TTC23: variants seen among roughly 807,000 people sequenced by gnomAD.
The protein encoded by TTC23 is tetratricopeptide repeat domain 23, also known as tetratricopeptide repeat protein 23.
A neutral mutation model predicts 55.1 loss-of-function variants in TTC23; 58 were observed. The observed-to-expected ratio is 1.05, with a 90% CI of 0.85 to 1.31. TTC23 has a LOEUF of 1.31. TTC23 is among the 50% of genes most tolerant of loss of function. The probability of loss-of-function intolerance (pLI) is 0.00; values close to 1 mark genes in which losing one functional copy is unlikely to be tolerated. For synonymous variants in TTC23, 203 were observed against 199.9 expected (o/e 1.02, Z -0.13); for missense variants, 516 against 534.4 (o/e 0.97, Z 0.34).
At chr15:99,247,314 A>C (rs2080334752) in intron 1 of TTC23, among the ~76,000 whole-genome samples, 1 of 150,168 alleles carries the variant, frequency 6.7e-6, no homozygotes, top group African/African-American at 2.4e-5. Flanking sequence ...CCACTCGTAG[A>C]TATACACCCA....
chr15:99,210,511 G>A (rs964671649), intron 8 of TTC23, among the ~76,000 whole-genome samples: 2 of 152,186 alleles, frequency 1.3e-5, no homozygotes, highest in Non-Finnish European at 2.9e-5. Flanking sequence ...TGTCCCACAG[G>A]AGCAGCTGAC....
chr15:99,241,341 A>C (rs1311715086), intron 3 of TTC23, 24 bp downstream of exon 3: 1 of 152,374 alleles, frequency 6.6e-6, no homozygotes, highest in Non-Finnish European at 1.5e-5. Context: ...AACAAACAAA[A>C]AACATGCTTC....
chr15:99,204,552 T>C (rs2076447329), intron 8 of TTC23, among the ~76,000 whole-genome samples: 1 of 150,514 alleles, frequency 6.6e-6, no homozygotes, highest in South Asian at 2.1e-4. Context: ...CCTTAAGAAA[T>C]CTTTGCCCAG....
At chr15:99,150,997 G>A (rs1453426971) in intron 12 of TTC23, among the ~76,000 whole-genome samples, 1 of 151,750 alleles carries the variant, frequency 6.6e-6, no homozygotes, top group Non-Finnish European at 1.5e-5. Flanking sequence ...TTTTTTCAGG[G>A]CTACTTATCT....
intron 13 of TTC23, 46 bp from the exon 14 acceptor site, chr15:99,138,173 C>T (rs1434747404): frequency 3.7e-6 from 6 of 1,603,938 alleles, no homozygotes; most frequent in Non-Finnish European, 5.1e-6. Flanking sequence ...CCCTCAGCCC[C>T]CCACACCGTT....
intron 11 of TTC23, chr15:99,158,476 A>G (rs1285974818): frequency 6.6e-6 from 1 of 152,196 alleles, no homozygotes; most frequent in Non-Finnish European, 1.5e-5. Flanking sequence ...TCTGCTAGGA[A>G]AAGCTTAAGA....
intron 8 of TTC23, among the ~76,000 whole-genome samples, chr15:99,214,325 G>A (rs535931411): frequency 7.7e-4 from 117 of 152,066 alleles, no homozygotes; most frequent in Non-Finnish European, 1.4e-3. Flanking sequence ...GGCTAACACG[G>A]TGAAACACCG....
rs577969585 is a variant in TTC23 at position 99,243,498 on chromosome 15, T to C, written c.-309+1891A>G. On this transcript the variant is annotated intron_variant, in intron 2 of 13. Coordinates refer to ENST00000394132, the MANE Select transcript of TTC23 (RefSeq NM_001288615.3). ...ATGATCCAGCAGTCCCACTGCTCCA[T>C]ATATATCCAAAAGAAAAGTATATCA... Among the ~76,000 whole-genome samples the C allele has an allele frequency of 2.6e-5, 4 of 152,320 alleles. No individual in the cohort carries two copies. The South Asian group carries it at 6.2e-4, about 24-fold the overall frequency.
chr15:99,170,807 G>A (rs2072822503), intron 10 of TTC23, among the ~76,000 whole-genome samples: 1 of 152,222 alleles, frequency 6.6e-6, no homozygotes, highest in Non-Finnish European at 1.5e-5. Flanking sequence ...CTGTGCTCCT[G>A]CTGCAGCCCC....
chr15:99,231,462 T>G (rs908961522), intron 4 of TTC23, among the ~76,000 whole-genome samples: 1 of 152,206 alleles, frequency 6.6e-6, no homozygotes, highest in African/African-American at 2.4e-5. Context: ...CCTGACTGTG[T>G]AGACCTACAT....
rs1555486961 is a variant in TTC23 at position 99,136,566 on chromosome 15, T to C, written c.*1444A>G. The C allele has an allele frequency of 2.0e-5, 3 of 152,112 alleles. No individual in the cohort carries two copies. Among genetic ancestry groups the C allele is most frequent in the African/African-American group, 7.2e-5 (3 of 41,416 alleles). The allele number at this position is 152,112 out of a possible 1,614,324, so 9.4% of individuals were successfully genotyped here. The stretch of plus-strand genomic sequence containing the variant: ...GGAGAGAGAGATCATCTCTCTGGTG[T>C]CTCTCCTTATAAAGCACTAATCCCA... On this transcript the variant is annotated 3_prime_UTR_variant, in exon 14 of 14. Coordinates refer to ENST00000394132, the MANE Select transcript of TTC23 (RefSeq NM_001288615.3).
chr15:99,182,457 G>T (rs138127818), intron 9 of TTC23, among the ~76,000 whole-genome samples: 81 of 152,184 alleles, frequency 5.3e-4, no homozygotes, highest in African/African-American at 1.9e-3. Context: ...TCTGTAAATT[G>T]TATGTTCCTG....
rs2077954451 is a variant in TTC23, at chr15:99,221,778, T to C, written c.267A>G (p.Ala89=). ...YGDSHWKLAE[A]HVNLAQGYLQ... The stretch of plus-strand genomic sequence containing the variant: ...GGTAGCCTTGAGCCAGATTAACATG[T>C]GCCTCTGCTAGTTTCCAATGTGAGT... Residue 89 remains alanine (A), a synonymous_variant, in exon 6 of 14, where the codon GCA becomes GCG. Transcript: ENST00000394132. The C allele has an allele frequency of 6.2e-7, 1 of 1,614,060 alleles. No homozygotes were observed. Among genetic ancestry groups the C allele is most frequent in the Admixed American group, 1.7e-5 (1 of 60,016 alleles).
In TTC23 at chr15:99,137,434, T is replaced by TGTCG. The variant is rs2067679147; in HGVS notation, c.*572_*575dup. 1 of 152,394 alleles carries TGTCG rather than the reference T, an allele frequency of 6.6e-6. No homozygotes were observed. The highest frequency in any genetic ancestry group is 2.1e-4 in the South Asian group (1 of 4,836). The allele number at this position is 152,394 out of a possible 1,614,324, so 9.4% of individuals were successfully genotyped here. ...CCTGGGCCCCAGGCCAAGTCAGGTG[T>TGTCG]GTCGGCCTCCTGCCCCTCCTACTGG... On this transcript the variant is annotated 3_prime_UTR_variant, in exon 14 of 14. Transcript: ENST00000394132.
In TTC23 at chr15:99,177,030, G is replaced by C. The variant is rs114992698; in HGVS notation, c.760-1875C>G. ...CACAGGAGATCAAGTCATCCCAGTT[G>C]AGCATTCTAGTCTGGACCATGCAGT... On this transcript the variant is annotated intron_variant, in intron 9 of 13. Coordinates refer to ENST00000394132, the MANE Select transcript of TTC23 (RefSeq NM_001288615.3). Among the ~76,000 whole-genome samples, 8 of 152,260 alleles carry C rather than the reference G, an allele frequency of 5.3e-5. No homozygotes were observed. In the East Asian group the frequency reaches 1.5e-3, roughly 29 times the overall value.
intron 8 of TTC23, among the ~76,000 whole-genome samples, chr15:99,202,773 T>G (rs1300950986): frequency 6.6e-6 from 1 of 151,992 alleles, no homozygotes; most frequent in African/African-American, 2.4e-5. Context: ...GGAGAATCAG[T>G]TGTAAGTAAG....
chr15:99,164,927 A>G (rs12440640), intron 10 of TTC23, among the ~76,000 whole-genome samples: 16,153 of 152,124 alleles, frequency 0.11, 1,069 homozygotes, highest in East Asian at 0.28. Flanking sequence ...CTAGGCCCAG[A>G]TTCTGGCTCT....
intron 11 of TTC23, chr15:99,161,164 G>GTATA (rs55826369): frequency 0.43 from 64,987 of 150,140 alleles, 13,992 homozygotes; most frequent in Middle Eastern, 0.58. Flanking sequence ...GTGGGCGATT[G>GTATA]TATATATATA....
At chr15:99,201,624 A>C in intron 8 of TTC23, among the ~76,000 whole-genome samples, 1 of 152,210 alleles carries the variant, frequency 6.6e-6, no homozygotes. Flanking sequence ...ACAGTTTATT[A>C]ATCTGGATAC....
Sources: gnomAD v4.1 joint callset for allele counts (sites outside exome capture counted in the v4.1 genomes callset) on GRCh38, gnomAD v4.1.1 for gene constraint, MANE v1.5 for transcripts, NCBI Gene and HGNC (gene_info 2026-07-23, HGNC 2026-07-21) for gene names.